The following WDR88 variants were observed in gnomAD, a reference collection of about 807,000 sequenced individuals.
WDR88 encodes the protein WD repeat domain 88, also known as WD repeat-containing protein 88.
In WDR88, 40 loss-of-function variants were observed where a neutral mutation model predicts 46.8. The ratio of observed to expected loss-of-function variants is 0.86; its 90% confidence interval spans 0.66 to 1.11. The LOEUF (loss-of-function observed/expected upper bound fraction) is 1.11. Ranked by LOEUF, WDR88 falls within the 50% of genes most tolerant of loss-of-function variation. The pLI, the probability that WDR88 is intolerant of heterozygous loss-of-function variation, is 0.00. For synonymous variants in WDR88, 235 were observed against 240.7 expected, an observed-to-expected ratio of 0.98 and a Z score of 0.22; for missense variants, 562 against 602.4, an observed-to-expected ratio of 0.93 and a Z score of 0.70.
At chr19:33,136,119 G>A (rs1447362775) in intron 1 of WDR88, among the ~76,000 whole-genome samples, 1 of 151,074 alleles carries the variant, frequency 6.6e-6, no homozygotes, top group African/African-American at 2.4e-5. Flanking sequence ...GCAATGGCAC[G>A]ACCTCGGCTC....
chr19:33,168,024 ATTTC>A (rs113686832), intron 9 of WDR88, among the ~76,000 whole-genome samples: 25 of 131,746 alleles, frequency 1.9e-4, no homozygotes, highest in East Asian at 9.8e-4. Flanking sequence ...AGCCAAAATG[ATTTC>A]TTTCTTTTTT....
At chr19:33,148,945 G>T in intron 5 of WDR88, 35 bp downstream of exon 5, 2 of 1,612,820 alleles carry the variant, frequency 1.2e-6, no homozygotes, top group Middle Eastern at 1.8e-4. Flanking sequence ...TCTTCAGTCT[G>T]CCATAGGAAT....
At chr19:33,142,957 C>T (rs1396318987) in intron 2 of WDR88, among the ~76,000 whole-genome samples, 2 of 151,012 alleles carry the variant, frequency 1.3e-5, no homozygotes, top group African/African-American at 2.4e-5. Context: ...ACCATCCCAT[C>T]CCCTGGGCAA....
rs747174753 is a variant in WDR88, at chr19:33,148,879, C to G, written c.648C>G (p.Ala216=). ...ATCATGGAATCTGCATAATGGACGC[C>G]GAGAACATCACCACCGTTTCCGTCA... ...DVDHGICIMD[A]ENITTVSVIK... is the part of the protein sequence containing the mutation. Residue 216 remains alanine (A), a synonymous_variant, in exon 5 of 11, where the codon GCC becomes GCG. Transcript: ENST00000355868. The G allele has an allele frequency of 3.1e-6, 5 of 1,613,922 alleles. No homozygotes were observed.
chr19:33,170,721 G>T (rs1473826441), intron 9 of WDR88, among the ~76,000 whole-genome samples: 3 of 152,066 alleles, frequency 2.0e-5, no homozygotes, highest in Non-Finnish European at 2.9e-5. Flanking sequence ...TATTAGTGGG[G>T]TATGGTGGCG....
intron 4 of WDR88, among the ~76,000 whole-genome samples, chr19:33,148,552 C>T (rs1402452593): frequency 1.3e-5 from 2 of 152,092 alleles, no homozygotes; most frequent in Non-Finnish European, 2.9e-5. Context: ...ATGATCCTCC[C>T]GCCACAGCCT....
intron 7 of WDR88, among the ~76,000 whole-genome samples, chr19:33,160,026 C>T (rs537192354): frequency 1.2e-4 from 18 of 152,108 alleles, no homozygotes; most frequent in Non-Finnish European, 2.2e-4. Context: ...GTTCATGCTC[C>T]CGTGAGAATC....
chr19:33,161,152 G>A (rs778669559), intron 8 of WDR88, among the ~76,000 whole-genome samples: 13 of 151,996 alleles, frequency 8.6e-5, no homozygotes, highest in Non-Finnish European at 1.2e-4. Context: ...CAGCCTGGGC[G>A]ATAGACTGAG....
At chr19:33,144,747 C>A in intron 2 of WDR88, 97 bp from the exon 3 acceptor site, 1 of 1,117,264 alleles carries the variant, frequency 9.0e-7, no homozygotes, top group Non-Finnish European at 1.3e-6. Flanking sequence ...GATTTTGCTA[C>A]CAGAGATAAG....
intron 1 of WDR88, among the ~76,000 whole-genome samples, chr19:33,136,805 G>A (rs1230116388): frequency 3.3e-5 from 5 of 151,960 alleles, no homozygotes; most frequent in African/African-American, 9.7e-5. Flanking sequence ...TTAATCTCCT[G>A]GCCTCAAGTG....
At chr19:33,140,520 T>C (rs1973367755) in intron 2 of WDR88, among the ~76,000 whole-genome samples, 1 of 152,180 alleles carries the variant, frequency 6.6e-6, no homozygotes, top group South Asian at 2.1e-4. Context: ...CTGGGCGCAG[T>C]GGCTCATGCC....
intron 9 of WDR88, among the ~76,000 whole-genome samples, chr19:33,172,032 C>T (rs981607909): frequency 3.3e-5 from 5 of 152,082 alleles, no homozygotes; most frequent in South Asian, 2.1e-4. Context: ...TCAAAGTGGT[C>T]GGATTACAGG....
At chr19:33,157,306 G>A (rs548681861) in intron 7 of WDR88, among the ~76,000 whole-genome samples, 61 of 151,818 alleles carry the variant, frequency 4.0e-4, no homozygotes, top group African/African-American at 1.4e-3. Context: ...AGATCAGCCT[G>A]GCCAACATGG....
At chr19:33,169,212 T>C (rs1973998369) in intron 9 of WDR88, among the ~76,000 whole-genome samples, 1 of 152,130 alleles carries the variant, frequency 6.6e-6, no homozygotes, top group Non-Finnish European at 1.5e-5. Flanking sequence ...AACAAAAGTA[T>C]AGGCAATGAG....
chr19:33,137,044 C>A lies in WDR88; in HGVS notation c.277-633C>A, dbSNP rs111401398. The stretch of plus-strand genomic sequence containing the variant: ...CTTCTGGGCTCAAGTAGTCCTCCCG[C>A]CTCAGCCTCCTGAGTGGCTGGGACT... On this transcript the variant is annotated intron_variant, in intron 1 of 10. Transcript: ENST00000355868. Among the ~76,000 whole-genome samples the A allele has an allele frequency of 1.2e-3, 176 of 151,680 alleles. 3 individuals are homozygous for A. The highest frequency in any genetic ancestry group is 4.0e-3 in the African/African-American group (167 of 41,354).
At chr19:33,167,567 G>A (rs1973973043) in intron 9 of WDR88, among the ~76,000 whole-genome samples, 1 of 152,024 alleles carries the variant, frequency 6.6e-6, no homozygotes, top group African/African-American at 2.4e-5. Context: ...GTGCTAGCCG[G>A]AGCTATCAGA....
chr19:33,133,194 A>AATATAT (rs140377163), intron 1 of WDR88, among the ~76,000 whole-genome samples: 2 of 49,410 alleles, frequency 4.0e-5, no homozygotes, highest in African/African-American at 9.9e-5. Flanking sequence ...TAAATAAATA[A>AATATAT]ATATAGAGAG....
intron 7 of WDR88, among the ~76,000 whole-genome samples, chr19:33,158,229 C>T (rs987739445): frequency 2.6e-5 from 4 of 152,174 alleles, no homozygotes; most frequent in African/African-American, 9.6e-5. Context: ...GCCACTGGGG[C>T]CTGGCTTGAG....
At chr19:33,164,781 A>G (rs903648607) in intron 9 of WDR88, among the ~76,000 whole-genome samples, 33 of 152,148 alleles carry the variant, frequency 2.2e-4, no homozygotes, top group Admixed American at 2.2e-3. Context: ...ACCAGGGACC[A>G]GTTTCGTGGA....
Sources: allele counts gnomAD v4.1 joint callset (sites outside exome capture counted in the v4.1 genomes callset), GRCh38; gene constraint gnomAD v4.1.1; transcripts MANE v1.5; gene names NCBI Gene and HGNC (gene_info 2026-07-23, HGNC 2026-07-21).